PIK3CD: variants seen among roughly 807,000 people sequenced by gnomAD.
PIK3CD encodes the protein phosphatidylinositol-4,5-bisphosphate 3-kinase catalytic subunit delta.
In PIK3CD, 20 loss-of-function variants were observed where a neutral mutation model predicts 122.9. The observed-to-expected ratio is 0.16, with a 90% confidence interval of 0.11 to 0.24. The LOEUF is 0.24. PIK3CD is among the 10% of genes least tolerant of loss of function. The probability of loss-of-function intolerance (pLI) is 1.00; values close to 1 mark genes in which losing one functional copy is unlikely to be tolerated. For synonymous variants in PIK3CD, 596 were observed against 593.4 expected (o/e 1.00, Z -0.06); for missense variants, 787 against 1,406.3 (o/e 0.56, Z 7.04).
rs192070751 is a variant in PIK3CD, at chr1:9,710,985, A to G, written c.141+389A>G. Among the ~76,000 whole-genome samples, 2 of 152,008 alleles carry G rather than the reference A, an allele frequency of 1.3e-5. No individual in the cohort carries two copies. Among genetic ancestry groups the G allele is most frequent in the Non-Finnish European group, 2.9e-5 (2 of 67,976 alleles). ...TTTTTAGTAGAGACGGGGTTTCTCC[A>G]TGTTGGTCAGGCTGGTCTCAAACTC... On this transcript the variant is annotated intron_variant, in intron 3 of 23. Coordinates refer to ENST00000377346, the MANE Select transcript of PIK3CD (RefSeq NM_005026.5). This position sits in a 1 kb window ranked among gnomAD's most constrained non-coding sequence, Gnocchi z 4.7.
chr1:9,718,744 G>A lies in PIK3CD; in HGVS notation c.1071G>A (p.Thr357=), dbSNP rs1038371431. 7.5e-6 allele frequency: 12 copies of A among 1,609,158 alleles called. No homozygotes were observed. Among genetic ancestry groups the A allele is most frequent in the South Asian group, 5.5e-5 (5 of 91,058 alleles). The change falls in exon 9 of 24, where the codon ACG becomes ACA. Residue 357 remains threonine (T), a synonymous_variant. Coordinates refer to ENST00000377346, the MANE Select transcript of PIK3CD (RefSeq NM_005026.5). The surrounding 1 kb of genome is among the most constrained non-coding windows in gnomAD (Gnocchi z 7.2). The part of the protein sequence containing the change: ...LFHGNEMLCK[T]VSSSEVSVCS... The stretch of plus-strand genomic sequence containing the variant: ...ACGGCAACGAGATGCTGTGCAAGAC[G>A]GTGTCCAGCTCGGAGGTGAGCGTGT...
the PIK3CD span, among the ~76,000 whole-genome samples, chr1:9,628,961 G>A: frequency 2.4e-4 from 36 of 151,636 alleles, no homozygotes; most frequent in East Asian, 4.3e-3. Flanking sequence ...CCCGTTTGCC[G>A]TCTGTGGTCT....
chr1:9,686,964 T>G (rs1342913875), intron 1 of PIK3CD, among the ~76,000 whole-genome samples: 1 of 152,244 alleles, frequency 6.6e-6, no homozygotes, highest in Non-Finnish European at 1.5e-5. Context: ...CTCTATCTTT[T>G]TAGAGTTTGT....
At chr1:9,631,649 CAG>C in the PIK3CD span, among the ~76,000 whole-genome samples, 1 of 152,236 alleles carries the variant, frequency 6.6e-6, no homozygotes, top group Non-Finnish European at 1.5e-5. Context: ...GCCTGGGTGA[CAG>C]AGCAAGACTC....
intron 2 of PIK3CD, among the ~76,000 whole-genome samples, chr1:9,698,326 G>C (rs899485827): frequency 2.0e-5 from 3 of 152,146 alleles, no homozygotes; most frequent in African/African-American, 7.2e-5. Flanking sequence ...GTTTTTAATA[G>C]AGACGGGGTT....
At chr1:9,670,192 A>G (rs917479019) in intron 1 of PIK3CD, among the ~76,000 whole-genome samples, 8 of 151,386 alleles carry the variant, frequency 5.3e-5, no homozygotes, top group African/African-American at 1.9e-4. Context: ...ATTCAGAGCC[A>G]AGGAAAGGAG....
intron 1 of PIK3CD, among the ~76,000 whole-genome samples, chr1:9,658,145 A>G (rs7521255): frequency 0.11 from 17,146 of 152,050 alleles, 1,257 homozygotes; most frequent in African/African-American, 0.21. Context: ...TGCTTTGGGA[A>G]GCTAAGGAAG....
At chr1:9,691,369 G>C (rs1399440028) in intron 1 of PIK3CD, 98 bp from the exon 2 acceptor site, 1 of 393,220 alleles carries the variant, frequency 2.5e-6, no homozygotes, top group Non-Finnish European at 4.5e-6. Flanking sequence ...TGAAGCAGTT[G>C]ATTTTGAGCT....
intron 1 of PIK3CD, among the ~76,000 whole-genome samples, chr1:9,663,026 G>A (rs1645053098): frequency 6.6e-6 from 1 of 152,168 alleles, no homozygotes; most frequent in South Asian, 2.1e-4. Flanking sequence ...GCTCTGCGGA[G>A]GCTGTCTCTC....
At chr1:9,674,692 CAA>C (rs35463378) in intron 1 of PIK3CD, among the ~76,000 whole-genome samples, 10 of 58,190 alleles carry the variant, frequency 1.7e-4, no homozygotes, top group Non-Finnish European at 2.3e-4. Flanking sequence ...GACTCCGTCT[CAA>C]AAAAAAAAAA....
chr1:9,723,937 T>C lies in PIK3CD; in HGVS notation c.2595-32T>C. The C allele has an allele frequency of 6.2e-7, 1 of 1,609,710 alleles. No homozygotes were observed. The highest frequency in any genetic ancestry group is 8.5e-7 in the Non-Finnish European group (1 of 1,176,114). On this transcript the variant is annotated intron_variant, in intron 20 of 23. Transcript: ENST00000377346. This position sits in a 1 kb window ranked among gnomAD's most constrained non-coding sequence, Gnocchi z 4.9. ...CTTGATAGGCGGAGCTGCAAAATGG[T>C]ATGGCCATGCTTTTTAATCTTCCCC...
chr1:9,656,690 C>T (rs1194472057), intron 1 of PIK3CD, among the ~76,000 whole-genome samples: 1 of 152,140 alleles, frequency 6.6e-6, no homozygotes, highest in African/African-American at 2.4e-5. Context: ...CGCCTGTAAT[C>T]CCAGCACTTT....
intron 1 of PIK3CD, among the ~76,000 whole-genome samples, chr1:9,667,193 C>T (rs1188664303): frequency 6.6e-6 from 1 of 151,970 alleles, no homozygotes; most frequent in Non-Finnish European, 1.5e-5. Flanking sequence ...TAGCTGGGCA[C>T]AGTGGCATGC....
Position 9,722,673 on chromosome 1 carries a change from G to C in PIK3CD, c.2426+67G>C. 3.0e-6 allele frequency: 4 copies of C among 1,345,808 alleles called. No individual in the cohort carries two copies. Among genetic ancestry groups the C allele is most frequent in the Non-Finnish European group, 4.3e-6 (4 of 938,326 alleles). 83.4% of individuals were successfully genotyped at this position (1,345,808 alleles called of 1,614,324 possible). ...CAGCCTGGGAGTCTGTGCCCCTGGA[G>C]GGGTCCTTGTTGAAGGTGGCATGAC... On this transcript the variant is annotated intron_variant, in intron 19 of 23. Transcript: ENST00000377346. This position sits in a 1 kb window ranked among gnomAD's most constrained non-coding sequence, Gnocchi z 7.6.
In PIK3CD at chr1:9,652,998, A is replaced by T. The variant is rs2100695228; in HGVS notation, c.-138+1196A>T. 1 of 151,836 alleles carries T rather than the reference A, an allele frequency of 6.6e-6. No homozygotes were observed. The highest frequency in any genetic ancestry group is 2.4e-5 in the African/African-American group (1 of 41,366). The allele number at this position is 151,836 out of a possible 1,614,324, so 9.4% of individuals were successfully genotyped here. Reference sequence around the variant, plus strand: ...GGAAGGTGGGACCTGCAGATCTTGAACCCCACCAGACTCCATCAAGGGGGC... The same window carrying T: ...GGAAGGTGGGACCTGCAGATCTTGATCCCCACCAGACTCCATCAAGGGGGC... On this transcript the variant is annotated intron_variant, in intron 1 of 23. Transcript: ENST00000377346. This position sits in a 1 kb window ranked among gnomAD's most constrained non-coding sequence, Gnocchi z 6.2.
Position 9,716,344 on chromosome 1 carries a change from G to T in PIK3CD, c.601-96G>T. 2.5e-6 allele frequency: 3 copies of T among 1,206,902 alleles called. No individual in the cohort carries two copies. In the East Asian group the frequency reaches 7.0e-5, roughly 28 times the overall value. 74.8% of individuals were successfully genotyped at this position (1,206,902 alleles called of 1,614,324 possible). On this transcript the variant is annotated intron_variant, in intron 5 of 23. Transcript: ENST00000377346. ...CCCAGTGTCATTTGTGAACTCCCCA[G>T]ACCCTACCCTTGGGGGCAAATAGGC...
At chr1:9,709,140 C>G (rs1265852970) in intron 2 of PIK3CD, among the ~76,000 whole-genome samples, 1 of 152,048 alleles carries the variant, frequency 6.6e-6, no homozygotes, top group Non-Finnish European at 1.5e-5. Context: ...AGCGATTCTC[C>G]TGTGTCAGCC....
intron 5 of PIK3CD, 57 bp from the exon 6 acceptor site, chr1:9,716,383 G>A: frequency 6.4e-7 from 1 of 1,561,842 alleles, no homozygotes; most frequent in South Asian, 1.1e-5. Context: ...CCTGCCCTGT[G>A]CCCCAGAACC....
chr1:9,723,235 C>G lies in PIK3CD; in HGVS notation c.2537C>G (p.Ala846Gly), dbSNP rs2100990265. Residue 846 changes from alanine to glycine, a missense_variant, in exon 20 of 24, where the codon GCC becomes GGC. Ala to Gly is a moderately conservative substitution (Grantham distance 60). Around this residue, in one of 6 missense-constraint regions of PIK3CD, gnomAD observed 69 missense variants for 166.8 expected, o/e 0.41. Coordinates refer to ENST00000377346, the MANE Select transcript of PIK3CD (RefSeq NM_005026.5). This position sits in a 1 kb window ranked among gnomAD's most constrained non-coding sequence, Gnocchi z 4.9. ...NIQLNKSNMA[A>G]TAAFNKDALL... Reference sequence around the variant, plus strand: ...CAACTCAACAAGAGCAACATGGCAGCCACAGCCGCCTTCAACAAGGATGCC... The same window carrying G: ...CAACTCAACAAGAGCAACATGGCAGGCACAGCCGCCTTCAACAAGGATGCC... 6.2e-7 allele frequency: 1 copy of G among 1,614,018 alleles called. No individual in the cohort carries two copies. The highest frequency in any genetic ancestry group is 1.3e-5 in the African/African-American group (1 of 75,058).
Sources: allele counts gnomAD v4.1 joint callset (sites outside exome capture counted in the v4.1 genomes callset), GRCh38; gene constraint gnomAD v4.1.1; regional missense constraint gnomAD v4.1.1; non-coding constraint Gnocchi (gnomAD v3.1); transcripts MANE v1.5; gene names NCBI Gene and HGNC (gene_info 2026-07-23, HGNC 2026-07-21).